Variants in PEX10 observed in about 807,000 individuals in gnomAD.
The protein encoded by PEX10 is peroxisomal biogenesis factor 10, also known as peroxisome biogenesis factor 10.
Under a neutral mutation model 38.0 loss-of-function variants are expected in PEX10, and 32 were observed. The ratio of observed to expected loss-of-function variants is 0.84; its 90% confidence interval spans 0.63 to 1.13. The LOEUF (loss-of-function observed/expected upper bound fraction) is 1.13, where lower values mean the gene tolerates loss of function less well. PEX10 is among the 50% of genes most tolerant of loss of function. The pLI is 0.00. For missense variants in PEX10, 483 were observed against 457.7 expected (o/e 1.06, Z -0.51); for synonymous variants, 206 against 207.3 (o/e 0.99, Z 0.05).
intron 3 of PEX10, among the ~76,000 whole-genome samples, chr1:2,407,984 C>T (rs546296536): frequency 2.0e-4 from 27 of 134,168 alleles, no homozygotes; most frequent in Admixed American, 3.9e-4. Context: ...AAGGTGGGAA[C>T]GGCCGTCTGA....
rs748545159 is a variant in PEX10, at chr1:2,408,581, C to G, written c.471G>C (p.Arg157Ser). 6.2e-7 allele frequency: 1 copy of G among 1,612,032 alleles called. No homozygotes were observed. Among genetic ancestry groups the G allele is most frequent in the South Asian group, 1.1e-5 (1 of 91,086 alleles). ...CGAAGACCGCCCGCAGCAGCGCCCTCCTCTGCTGCTCAGTCAGGGTGGCCG... is the reference window on the plus strand; with the variant it reads ...CGAAGACCGCCCGCAGCAGCGCCCTGCTCTGCTGCTCAGTCAGGGTGGCCG... ...HHTATLTEQQ[R>S]RALLRAVFVL... is the part of the protein sequence containing the mutation. The change falls in exon 3 of 6, where the codon AGG becomes AGC. Residue 157 changes from arginine (R) to serine (S), a missense_variant. Physicochemically the swap from Arg to Ser is moderately radical, Grantham distance 110. Transcript: ENST00000447513.
intron 1 of PEX10, among the ~76,000 whole-genome samples, chr1:2,411,914 G>A (rs1329844693): frequency 6.6e-6 from 1 of 152,254 alleles, no homozygotes; most frequent in African/African-American, 2.4e-5. Flanking sequence ...GCAGGGCGAG[G>A]GGCCTGGGCT....
chr1:2,410,424 T>C lies in PEX10; in HGVS notation c.140A>G (p.Lys47Arg), dbSNP rs764783812. 1 of 1,614,052 alleles carries C rather than the reference T, an allele frequency of 6.2e-7. No homozygotes were observed. Among genetic ancestry groups the C allele is most frequent in the South Asian group, 1.1e-5 (1 of 91,084 alleles). The change falls in exon 2 of 6, where the codon AAG becomes AGG. Residue 47 changes from lysine (K) to arginine (R), a missense_variant. Physicochemically the swap from Lys to Arg is conservative, Grantham distance 26. Coordinates refer to ENST00000447513, the MANE Select transcript of PEX10 (RefSeq NM_002617.4). This position sits in a 1 kb window ranked among gnomAD's most constrained non-coding sequence, Gnocchi z 5.1. Reference protein sequence around the residue: ...AGARKWLEWRKEVELLSDVAY... With the variant: ...AGARKWLEWRREVELLSDVAY... ...CACATCTGAGAGCAGCTCAACCTCC[T>C]TCCTCCACTCCAGCCACTTCCTCGC...
Position 2,408,502 on chromosome 1 carries a change from T to G in PEX10, c.550A>C (p.Ile184Leu), listed in dbSNP as rs756342887. 1.9e-6 allele frequency: 3 copies of G among 1,612,984 alleles called. No individual in the cohort carries two copies. ...LQRLHVAWFY[I>L]HGVFYHLAKR... ...GCCAGGTGGTAGAAGACACCGTGGA[T>G]GTAAAACCAGGCAACATGTAGCCGC... The change falls in exon 3 of 6, where the codon ATC becomes CTC. Residue 184 changes from isoleucine (I) to leucine (L), a missense_variant. Coordinates refer to ENST00000447513, the MANE Select transcript of PEX10 (RefSeq NM_002617.4).
intron 1 of PEX10, 110 bp downstream of exon 1, chr1:2,412,273 CCCAGGTTG>C: frequency 8.0e-7 from 1 of 1,244,558 alleles, no homozygotes; most frequent in Non-Finnish European, 1.0e-6. Flanking sequence ...ACTGCCGGGT[CCCAGGTTG>C]TGGGACGGGC....
rs1299389360 is a variant in PEX10 at position 2,406,812 on chromosome 1, C to T, written c.684G>A (p.Leu228=). ...ACAGCTGCAGCCCCATGGACAGCAC[C>T]AGGTGCAGCAGTGAGATGACCCCCA... is the stretch of plus-strand genomic sequence containing the variant. ...RLLGVISLLH[L]VLSMGLQLYG... is the part of the protein sequence containing the mutation. Residue 228 remains leucine, a synonymous_variant, in exon 4 of 6, where the codon CTG becomes CTA. Coordinates refer to ENST00000447513, the MANE Select transcript of PEX10 (RefSeq NM_002617.4). 6.2e-7 allele frequency: 1 copy of T among 1,610,850 alleles called. No individual in the cohort carries two copies. Among genetic ancestry groups the T allele is most frequent in the Non-Finnish European group, 8.5e-7 (1 of 1,179,074 alleles).
At position 2,410,890 on chromosome 1, in the gene PEX10, G is replaced by A. The variant is rs543589588; in HGVS notation, c.113-439C>T. The A allele has an allele frequency of 2.2e-6, 1 of 456,800 alleles. No homozygotes were observed. The highest frequency in any genetic ancestry group is 4.4e-6 in the Non-Finnish European group (1 of 227,400). 28.3% of individuals were successfully genotyped at this position (456,800 alleles called of 1,614,324 possible). A position where few individuals can be genotyped will look rare whatever the true frequency, so the allele number is the denominator to read the frequency against. ...AGTCCTACTTGGAGGGATGTTTGAA[G>A]ATTCAATATTTGTAAAACACTGGGA... On this transcript the variant is annotated intron_variant, in intron 1 of 5. Transcript: ENST00000447513. This position sits in a 1 kb window ranked among gnomAD's most constrained non-coding sequence, Gnocchi z 5.1.
At chr1:2,407,928 G>A (rs1206289684) in intron 3 of PEX10, among the ~76,000 whole-genome samples, 1 of 152,086 alleles carries the variant, frequency 6.6e-6, no homozygotes, top group Non-Finnish European at 1.5e-5. Flanking sequence ...AGGGGCATCA[G>A]CTGGGGGTCA....
At chr1:2,413,114 G>A (rs1211918749), upstream of PEX10, among the ~76,000 whole-genome samples, 1 of 152,212 alleles carries the variant, frequency 6.6e-6, no homozygotes, top group East Asian at 1.9e-4. Context: ...GGGGCACGAG[G>A]CGAGACCCGG....
rs1284833303 is a variant in PEX10 at position 2,404,271 on chromosome 1, A to G, written c.*1495T>C. 1 of 152,234 alleles carries G rather than the reference A, an allele frequency of 6.6e-6. No individual in the cohort carries two copies. Among genetic ancestry groups the G allele is most frequent in the Non-Finnish European group, 1.5e-5 (1 of 68,042 alleles). The allele number at this position is 152,234 out of a possible 1,614,324, so 9.4% of individuals were successfully genotyped here. On this transcript the variant is annotated 3_prime_UTR_variant, in exon 6 of 6. Transcript: ENST00000447513. ...TACATATCTGACATCGAGCTCCTCT[A>G]AGAGGCCACGTTCAAGCTTGTGTGT...
Position 2,405,324 on chromosome 1 carries a change from CAG to C in PEX10, c.*440_*441del, listed in dbSNP as rs1642962846. On this transcript the variant is annotated 3_prime_UTR_variant, in exon 6 of 6. Transcript: ENST00000447513. The stretch of plus-strand genomic sequence containing the variant: ...CACTGCACTGGCTGAAGCAACCCGC[CAG>C]CCTCCGTGCCCCACCCCACCCAGCA... The C allele has an allele frequency of 3.0e-6, 1 of 330,790 alleles. No individual in the cohort carries two copies. The highest frequency in any genetic ancestry group is 5.9e-6 in the Non-Finnish European group (1 of 170,348). 20.5% of individuals were successfully genotyped at this position (330,790 alleles called of 1,614,324 possible).
In PEX10 at chr1:2,405,725, CCGTA is replaced by C. The variant is rs532098059; in HGVS notation, c.*37_*40del. ...AGACTAAATCTTGGCGTTCAGACTC[CCGTA>C]GAGGTCATCTGTGTCCAGGCCCACC... On this transcript the variant is annotated 3_prime_UTR_variant, in exon 6 of 6. Transcript: ENST00000447513. The C allele has an allele frequency of 1.5e-4, 223 of 1,532,498 alleles. No individual in the cohort carries two copies. The African/African-American group carries it at 2.5e-3, about 17-fold the overall frequency. 94.9% of individuals were successfully genotyped at this position (1,532,498 alleles called of 1,614,324 possible). A position where few individuals can be genotyped will look rare whatever the true frequency, so the allele number is the denominator to read the frequency against.
At chr1:2,405,936 C>T (rs1478969113) in intron 5 of PEX10, 102 bp from the exon 6 acceptor site, 1 of 917,584 alleles carries the variant, frequency 1.1e-6, no homozygotes, top group Non-Finnish European at 1.7e-6. Context: ...ACATGACACA[C>T]AACATAAATG....
In PEX10 at chr1:2,405,545, G is replaced by T. The variant is rs1642970051; in HGVS notation, c.*221C>A. 6.0e-6 allele frequency: 4 copies of T among 664,796 alleles called. No homozygotes were observed. Among genetic ancestry groups the T allele is most frequent in the Admixed American group, 2.1e-5 (1 of 47,212 alleles). The allele number at this position is 664,796 out of a possible 1,614,324, so 41.2% of individuals were successfully genotyped here. On this transcript the variant is annotated 3_prime_UTR_variant, in exon 6 of 6. Transcript: ENST00000447513. ...AGTGGCTGAGTCCTACCAGGTTGGG[G>T]TTAGGGAAATGTTCTGGGTTCAGGC...
In PEX10 at chr1:2,410,588, TC is replaced by T; in HGVS notation, c.113-138del. ...TGAAGCCAACACTCACTCCCTGGCC[TC>T]CCTCTCTGCTTCTGTCTCCGGAGGC... On this transcript the variant is annotated intron_variant, in intron 1 of 5. Coordinates refer to ENST00000447513, the MANE Select transcript of PEX10 (RefSeq NM_002617.4). The surrounding 1 kb of genome is among the most constrained non-coding windows in gnomAD (Gnocchi z 5.1). 1.3e-6 allele frequency: 1 copy of T among 747,176 alleles called. No individual in the cohort carries two copies. Among genetic ancestry groups the T allele is most frequent in the Non-Finnish European group, 2.3e-6 (1 of 430,544 alleles). The allele number at this position is 747,176 out of a possible 1,614,324, so 46.3% of individuals were successfully genotyped here. A position where few individuals can be genotyped will look rare whatever the true frequency, so the allele number is the denominator to read the frequency against.
chr1:2,408,991 C>T, intron 2 of PEX10, 133 bp from the exon 3 acceptor site: 2 of 884,636 alleles, frequency 2.3e-6, no homozygotes, highest in Non-Finnish European at 3.6e-6. Flanking sequence ...CCCACTGTCA[C>T]CCCGTGCTGG....
chr1:2,408,451 C>T lies in PEX10; in HGVS notation c.600+1G>A, dbSNP rs267608183. On this transcript the variant is annotated splice_donor_variant, in intron 3 of 5. Coordinates refer to ENST00000447513, the MANE Select transcript of PEX10 (RefSeq NM_002617.4). LOFTEE classifies it high-confidence loss of function. ...CTGTGCCCTCAGCGCCTGCTACTTA[C>T]GTACGTGATCCCCGTGAGCCTCTTG... The T allele has an allele frequency of 3.3e-5, 53 of 1,612,778 alleles. No individual in the cohort carries two copies. Among genetic ancestry groups the T allele is most frequent in the South Asian group, 7.7e-5 (7 of 91,084 alleles).
rs759013217 is a variant in PEX10 at position 2,405,738 on chromosome 1, CTG to C, written c.*26_*27del. ...GCGTTCAGACTCCCGTAGAGGTCATCTGTGTCCAGGCCCACCCGGGCGCCGGC... is the reference window on the plus strand; with the variant it reads ...GCGTTCAGACTCCCGTAGAGGTCATCTGTCCAGGCCCACCCGGGCGCCGGC... On this transcript the variant is annotated 3_prime_UTR_variant, in exon 6 of 6. Coordinates refer to ENST00000447513, the MANE Select transcript of PEX10 (RefSeq NM_002617.4). The C allele has an allele frequency of 5.1e-5, 81 of 1,580,404 alleles. No individual in the cohort carries two copies. The highest frequency in any genetic ancestry group is 7.0e-5 in the Non-Finnish European group (81 of 1,162,084).
chr1:2,407,852 T>C (rs997798894), intron 3 of PEX10, among the ~76,000 whole-genome samples: 13 of 152,220 alleles, frequency 8.5e-5, no homozygotes, highest in African/African-American at 3.1e-4. Flanking sequence ...GGCCAGGGAC[T>C]AACGCTGTGG....
Sources: allele counts gnomAD v4.1 joint callset (sites outside exome capture counted in the v4.1 genomes callset), GRCh38; gene constraint gnomAD v4.1.1; non-coding constraint Gnocchi (gnomAD v3.1); transcripts MANE v1.5; gene names NCBI Gene and HGNC (gene_info 2026-07-23, HGNC 2026-07-21).